Variants in KCNQ3 observed in about 807,000 individuals in gnomAD.
KCNQ3 encodes potassium voltage-gated channel subfamily Q member 3.
Under a neutral mutation model 92.5 loss-of-function variants are expected in KCNQ3, and 30 were observed. That is an observed-to-expected ratio of 0.32 (90% CI 0.24 to 0.44). The LOEUF (loss-of-function observed/expected upper bound fraction) is 0.44. Ranked by LOEUF, KCNQ3 falls within the 20% of genes least tolerant of loss-of-function variation. KCNQ3 has a pLI of 1.00. For missense variants in KCNQ3, 913 were observed against 1,140.3 expected, an observed-to-expected ratio of 0.80 and a Z score of 2.87; for synonymous variants, 450 against 468.8, an observed-to-expected ratio of 0.96 and a Z score of 0.52.
At chr8:132,194,089 C>G (rs1408608530) in intron 1 of KCNQ3, among the ~76,000 whole-genome samples, 1 of 152,214 alleles carries the variant, frequency 6.6e-6, no homozygotes, top group Non-Finnish European at 1.5e-5. Context: ...CTGTAGCCCT[C>G]AAAATGTCCT....
intron 1 of KCNQ3, among the ~76,000 whole-genome samples, chr8:132,259,586 G>A (rs1263264843): frequency 6.6e-6 from 1 of 152,052 alleles, no homozygotes; most frequent in Non-Finnish European, 1.5e-5. Context: ...ACAAAATCAG[G>A]AACAAACAAA....
chr8:132,316,586 C>T (rs189764841), intron 1 of KCNQ3, among the ~76,000 whole-genome samples: 1 of 152,226 alleles, frequency 6.6e-6, no homozygotes, highest in East Asian at 1.9e-4. Flanking sequence ...AAATTCTGCA[C>T]ACATCTGCAC....
intron 1 of KCNQ3, among the ~76,000 whole-genome samples, chr8:132,257,601 G>T (rs1023132867): frequency 3.9e-5 from 6 of 151,902 alleles, no homozygotes; most frequent in Non-Finnish European, 8.8e-5. Context: ...ACAAAAATTA[G>T]CTGGGTGTGG....
chr8:132,258,250 T>C (rs6985058), intron 1 of KCNQ3, among the ~76,000 whole-genome samples: 87,569 of 151,952 alleles, frequency 0.58, 26,049 homozygotes, highest in East Asian at 0.81. Flanking sequence ...CAGAATATAG[T>C]ATATGTTGGA....
At chr8:132,426,583 G>A (rs887805989) in intron 1 of KCNQ3, among the ~76,000 whole-genome samples, 3 of 152,204 alleles carry the variant, frequency 2.0e-5, no homozygotes, top group African/African-American at 7.2e-5. Context: ...AGGTGTCATA[G>A]GTGCAGCCAA....
chr8:132,451,095 G>A (rs1821808783), intron 1 of KCNQ3, among the ~76,000 whole-genome samples: 1 of 152,200 alleles, frequency 6.6e-6, no homozygotes, highest in Non-Finnish European at 1.5e-5. Flanking sequence ...GAGGGACCCG[G>A]TGGGAGGTAA....
chr8:132,178,470 A>G (rs1826641941), intron 4 of KCNQ3, among the ~76,000 whole-genome samples: 2 of 152,340 alleles, frequency 1.3e-5, no homozygotes, highest in South Asian at 4.1e-4. Context: ...AAACACTACT[A>G]TTAATGAGCA....
chr8:132,462,497 A>T (rs1446570613), intron 1 of KCNQ3, among the ~76,000 whole-genome samples: 2 of 152,218 alleles, frequency 1.3e-5, no homozygotes, highest in Non-Finnish European at 2.9e-5. Flanking sequence ...TGTGAATTGT[A>T]CACTTTTAAA....
chr8:132,203,632 T>G (rs28548713), intron 1 of KCNQ3, among the ~76,000 whole-genome samples: 1,794 of 152,296 alleles, frequency 0.012, 19 homozygotes, highest in South Asian at 0.041. Context: ...GAGTTTAAAT[T>G]TTGACTGCAT....
chr8:132,304,264 G>A (rs76851290), intron 1 of KCNQ3, among the ~76,000 whole-genome samples: 198 of 152,268 alleles, frequency 1.3e-3, no homozygotes, highest in African/African-American at 4.5e-3. Flanking sequence ...ATACATCCAT[G>A]TAATGAAACT....
At chr8:132,417,892 A>G (rs1275199015) in intron 1 of KCNQ3, among the ~76,000 whole-genome samples, 1 of 152,172 alleles carries the variant, frequency 6.6e-6, no homozygotes, top group Non-Finnish European at 1.5e-5. Flanking sequence ...TGGAGTTGAG[A>G]GGATGCAGGT....
chr8:132,149,623 A>ACTAT (rs1194941230), intron 9 of KCNQ3, among the ~76,000 whole-genome samples: 1 of 152,168 alleles, frequency 6.6e-6, no homozygotes, highest in African/African-American at 2.4e-5. Flanking sequence ...AGTAATGACA[A>ACTAT]CTATCTTTCC....
chr8:132,187,383 C>T (rs1827004614), intron 1 of KCNQ3, among the ~76,000 whole-genome samples: 1 of 152,150 alleles, frequency 6.6e-6, no homozygotes, highest in Admixed American at 6.5e-5. Flanking sequence ...GGAAATGTCT[C>T]CTTCTGACCT....
chr8:132,127,773 TAAC>T lies in KCNQ3; in HGVS notation c.*1486_*1488del, dbSNP rs1035964667. The T allele has an allele frequency of 3.3e-5, 5 of 152,244 alleles. No individual in the cohort carries two copies. The highest frequency in any genetic ancestry group is 7.3e-5 in the Non-Finnish European group (5 of 68,048). The allele number at this position is 152,244 out of a possible 1,614,324, so 9.4% of individuals were successfully genotyped here. On this transcript the variant is annotated 3_prime_UTR_variant, in exon 15 of 15. Coordinates refer to ENST00000388996, the MANE Select transcript of KCNQ3 (RefSeq NM_004519.4). ...TTTTCCATCAAAGTTTTTCAGAGAA[TAAC>T]AACATCTCATAAGAGGCCAGAGGAT... is the stretch of plus-strand genomic sequence containing the variant.
chr8:132,453,460 G>A (rs1322867845), intron 1 of KCNQ3, among the ~76,000 whole-genome samples: 2 of 152,186 alleles, frequency 1.3e-5, no homozygotes, highest in Non-Finnish European at 2.9e-5. Flanking sequence ...GGACCCTCAA[G>A]GCCAGTGGCA....
Position 132,163,325 on chromosome 8 carries a change from C to T in KCNQ3, c.1262+143G>A, listed in dbSNP as rs1826046825. 9.2e-6 allele frequency: 7 copies of T among 760,002 alleles called. No individual in the cohort carries two copies. The African/African-American group carries it at 1.0e-4, about 11-fold the overall frequency. The allele number at this position is 760,002 out of a possible 1,614,324, so 47.1% of individuals were successfully genotyped here. ...AACCAGAAGGAAACCAGGCAGAGGA[C>T]TATGGTGGTCAGCAACAGTGTGACC... is the stretch of plus-strand genomic sequence containing the variant. On this transcript the variant is annotated intron_variant, in intron 9 of 14. Transcript: ENST00000388996.
chr8:132,406,667 T>C (rs1033215468), intron 1 of KCNQ3, among the ~76,000 whole-genome samples: 2 of 152,066 alleles, frequency 1.3e-5, no homozygotes, highest in Non-Finnish European at 2.9e-5. Flanking sequence ...TAAACTACCA[T>C]GCTTTCTCAG....
chr8:132,421,803 T>C (rs1587004774), intron 1 of KCNQ3, among the ~76,000 whole-genome samples: 2 of 152,186 alleles, frequency 1.3e-5, no homozygotes, highest in Middle Eastern at 6.8e-3. Context: ...ACACAGGAAA[T>C]TTATCTTTTA....
At chr8:132,372,451 G>A (rs1819497142) in intron 1 of KCNQ3, among the ~76,000 whole-genome samples, 2 of 152,104 alleles carry the variant, frequency 1.3e-5, no homozygotes, top group South Asian at 4.1e-4. Flanking sequence ...TGAGATGGGA[G>A]TGAAGACAGA....
Sources: allele counts gnomAD v4.1 joint callset (sites outside exome capture counted in the v4.1 genomes callset), GRCh38; gene constraint gnomAD v4.1.1; transcripts MANE v1.5; gene names NCBI Gene and HGNC (gene_info 2026-07-23, HGNC 2026-07-21).